Variants in COL25A1 observed in about 807,000 individuals in gnomAD.
COL25A1 encodes collagen type XXV alpha 1 chain, also known as collagen alpha-1(XXV) chain.
A neutral mutation model predicts 128.4 loss-of-function variants in COL25A1; 103 were observed. That is an observed-to-expected ratio of 0.80 (90% CI 0.68 to 0.94). COL25A1 has a LOEUF of 0.94. Among genes scored for constraint, COL25A1 ranks in the 40% least tolerant of loss-of-function variants. The probability of loss-of-function intolerance (pLI) is 0.00; values close to 1 mark genes in which losing one functional copy is unlikely to be tolerated. For synonymous variants in COL25A1, 279 were observed against 277.2 expected, an observed-to-expected ratio of 1.01 and a Z score of -0.06; for missense variants, 745 against 840.0, an observed-to-expected ratio of 0.89 and a Z score of 1.40.
chr4:109,285,961 G>A (rs967386952), intron 3 of COL25A1, among the ~76,000 whole-genome samples: 1 of 152,090 alleles, frequency 6.6e-6, no homozygotes, highest in Non-Finnish European at 1.5e-5. Flanking sequence ...AGAATTGACT[G>A]GGCTCCCACA....
intron 3 of COL25A1, among the ~76,000 whole-genome samples, chr4:109,136,365 C>T (rs1044300348): frequency 6.6e-6 from 1 of 152,270 alleles, no homozygotes; most frequent in African/African-American, 2.4e-5. Flanking sequence ...TGACATTGCA[C>T]TCCATGCTGG....
At chr4:109,083,555 C>T (rs916563333) in intron 3 of COL25A1, among the ~76,000 whole-genome samples, 2 of 147,504 alleles carry the variant, frequency 1.4e-5, no homozygotes, top group Non-Finnish European at 3.0e-5. Flanking sequence ...CTCCGCCTCC[C>T]GGGTTCACGC....
intron 3 of COL25A1, among the ~76,000 whole-genome samples, chr4:109,066,956 C>T (rs1762504054): frequency 1.3e-5 from 2 of 152,152 alleles, no homozygotes; most frequent in African/African-American, 4.8e-5. Context: ...CAGGTGTGAG[C>T]CACTACACCC....
At chr4:109,190,104 C>T (rs1424590287) in intron 3 of COL25A1, among the ~76,000 whole-genome samples, 2 of 151,802 alleles carry the variant, frequency 1.3e-5, no homozygotes, top group East Asian at 3.9e-4. Context: ...TCTAAAAATG[C>T]AGAACCAATC....
intron 31 of COL25A1, among the ~76,000 whole-genome samples, chr4:108,834,013 G>T (rs1733476614): frequency 6.6e-6 from 1 of 152,178 alleles, no homozygotes; most frequent in Admixed American, 6.5e-5. Flanking sequence ...TCATGGAATT[G>T]TAGGGGATGT....
At chr4:109,116,284 AAAT>A (rs1360873696) in intron 3 of COL25A1, among the ~76,000 whole-genome samples, 1 of 152,030 alleles carries the variant, frequency 6.6e-6, no homozygotes, top group African/African-American at 2.4e-5. Flanking sequence ...AGCCATTTTG[AAAT>A]AACAACAGCA....
intron 35 of COL25A1, among the ~76,000 whole-genome samples, chr4:108,819,589 T>C (rs1235813082): frequency 6.6e-6 from 1 of 152,136 alleles, no homozygotes; most frequent in African/African-American, 2.4e-5. Context: ...CAGGTTCCAA[T>C]TGTGCCGTGA....
intron 3 of COL25A1, among the ~76,000 whole-genome samples, chr4:109,109,401 C>G (rs764282191): frequency 6.6e-6 from 1 of 152,142 alleles, no homozygotes; most frequent in Non-Finnish European, 1.5e-5. Context: ...CTACCACCAT[C>G]TTTGTATTTT....
At chr4:108,980,118 C>T (rs974732757) in intron 6 of COL25A1, among the ~76,000 whole-genome samples, 12 of 152,138 alleles carry the variant, frequency 7.9e-5, no homozygotes, top group African/African-American at 2.2e-4. Flanking sequence ...CACACTCAGG[C>T]GTTTGAGCTG....
intron 3 of COL25A1, among the ~76,000 whole-genome samples, chr4:109,238,301 G>A (rs915689131): frequency 3.3e-5 from 5 of 151,922 alleles, no homozygotes; most frequent in Non-Finnish European, 7.4e-5. Context: ...AGAGAATAGC[G>A]AAACACATAC....
Position 109,300,616 on chromosome 4 carries a change from T to C in COL25A1, c.334A>G (p.Arg112Gly), listed in dbSNP as rs1255074714. ...CAGTTACATTCTGAAGGTGCTTCTC[T>C]TGCGATTCTTATTTTAGCCATATGT... ...YEHMAKIRIA[R>G]EAPSECNCPA... The change falls in exon 3 of 38, where the codon AGA (arginine) becomes GGA (glycine). Residue 112 changes from arginine to glycine, a missense_variant. Arg to Gly is a moderately radical substitution (Grantham distance 125, BLOSUM62 -2). Around this residue, in one of 3 missense-constraint regions of COL25A1, gnomAD observed 319 missense variants for 324.9 expected, o/e 0.98. Transcript: ENST00000399132. 1 of 1,612,404 alleles carries C rather than the reference T, an allele frequency of 6.2e-7. No homozygotes were observed. Among genetic ancestry groups the C allele is most frequent in the African/African-American group, 1.3e-5 (1 of 74,910 alleles).
chr4:109,158,683 A>G (rs1296819686), intron 3 of COL25A1, among the ~76,000 whole-genome samples: 1 of 152,236 alleles, frequency 6.6e-6, no homozygotes, highest in Non-Finnish European at 1.5e-5. Context: ...AGCTATGTAC[A>G]TGGTACTGTG....
At chr4:109,165,591 C>G (rs984152113) in intron 3 of COL25A1, among the ~76,000 whole-genome samples, 17 of 152,016 alleles carry the variant, frequency 1.1e-4, no homozygotes, top group Admixed American at 6.6e-4. Flanking sequence ...GTGGGGCACA[C>G]CTGTAATCCC....
intron 8 of COL25A1, among the ~76,000 whole-genome samples, chr4:108,957,244 G>A (rs1266003944): frequency 1.3e-5 from 2 of 152,150 alleles, no homozygotes; most frequent in Non-Finnish European, 2.9e-5. Flanking sequence ...CTGTTCACAT[G>A]AGGACTGGAT....
chr4:108,937,175 C>A (rs1747520604), intron 11 of COL25A1, among the ~76,000 whole-genome samples: 2 of 152,038 alleles, frequency 1.3e-5, no homozygotes, highest in Non-Finnish European at 2.9e-5. Flanking sequence ...GCTCAGGAGA[C>A]AGACAGGAGG....
At chr4:109,038,710 T>C (rs1176494491) in intron 5 of COL25A1, among the ~76,000 whole-genome samples, 1 of 152,218 alleles carries the variant, frequency 6.6e-6, no homozygotes, top group Admixed American at 6.5e-5. Context: ...TCCACTTAGC[T>C]GTCTTACCAA....
intron 6 of COL25A1, among the ~76,000 whole-genome samples, chr4:108,992,005 G>T (rs1381374544): frequency 2.0e-5 from 3 of 152,128 alleles, no homozygotes; most frequent in Non-Finnish European, 4.4e-5. Context: ...AGCAAAGAAA[G>T]ATTTGGGGGA....
At chr4:108,824,405 A>G (rs1246038336) in intron 34 of COL25A1, among the ~76,000 whole-genome samples, 178 bp from the exon 35 acceptor site, 2 of 152,250 alleles carry the variant, frequency 1.3e-5, no homozygotes, top group Non-Finnish European at 2.9e-5. Flanking sequence ...TAATGTCTCA[A>G]TTATCTATAC....
chr4:108,842,098 G>C (rs1734523303), intron 30 of COL25A1, among the ~76,000 whole-genome samples: 1 of 152,084 alleles, frequency 6.6e-6, no homozygotes, highest in Non-Finnish European at 1.5e-5. Context: ...ACTTCAAAGA[G>C]AAATTTGCCA....
Sources: allele counts gnomAD v4.1 joint callset (sites outside exome capture counted in the v4.1 genomes callset), GRCh38; gene constraint gnomAD v4.1.1; regional missense constraint gnomAD v4.1.1; transcripts MANE v1.5; gene names NCBI Gene and HGNC (gene_info 2026-07-23, HGNC 2026-07-21).